BMP6: variants seen among roughly 807,000 people sequenced by gnomAD.
The protein encoded by BMP6 is bone morphogenetic protein 6, also known as VG-1-R.
BMP6 carries 17 observed loss-of-function variants against 54.1 expected under a neutral mutation model. The ratio of observed to expected loss-of-function variants is 0.31; its 90% CI spans 0.22 to 0.47. BMP6 has a LOEUF of 0.47. Among genes scored for constraint, BMP6 ranks in the 20% least tolerant of loss-of-function variants. The pLI, the probability that BMP6 is intolerant of heterozygous loss-of-function variation, is 1.00. For synonymous variants in BMP6, 328 were observed against 291.2 expected, an observed-to-expected ratio of 1.13 and a Z score of -1.28; for missense variants, 720 against 690.4, an observed-to-expected ratio of 1.04 and a Z score of -0.48.
intron 4 of BMP6, among the ~76,000 whole-genome samples, chr6:7,874,318 G>A (rs62387054): frequency 0.11 from 16,164 of 152,232 alleles, 1,123 homozygotes; most frequent in Non-Finnish European, 0.16. Context: ...CATCACAGCC[G>A]CCACATGGTT....
chr6:7,870,945 A>G (rs1759514725), intron 4 of BMP6, among the ~76,000 whole-genome samples: 1 of 152,196 alleles, frequency 6.6e-6, no homozygotes, highest in Admixed American at 6.5e-5. Context: ...GGATCTTTAG[A>G]GTTCATCTCC....
chr6:7,824,066 A>G (rs1301210705), intron 1 of BMP6, among the ~76,000 whole-genome samples: 1 of 152,194 alleles, frequency 6.6e-6, no homozygotes, highest in Non-Finnish European at 1.5e-5. Flanking sequence ...TAGATAACAG[A>G]TGGTGATGGT....
intron 1 of BMP6, among the ~76,000 whole-genome samples, chr6:7,822,311 C>T (rs1250844118): frequency 1.3e-5 from 2 of 152,202 alleles, no homozygotes; most frequent in East Asian, 3.8e-4. Flanking sequence ...TGAGCCACCG[C>T]ACCTGGGAAG....
At chr6:7,861,051 C>G (rs1198080759) in intron 2 of BMP6, among the ~76,000 whole-genome samples, 1 of 150,674 alleles carries the variant, frequency 6.6e-6, no homozygotes, top group Non-Finnish European at 1.5e-5. Flanking sequence ...TGCCACTGCA[C>G]TACAGCCTAG....
chr6:7,845,111 T>C, intron 1 of BMP6, 29 bp from the exon 2 acceptor site: 1 of 1,583,302 alleles, frequency 6.3e-7, no homozygotes. Flanking sequence ...GTAACAATAG[T>C]TGTCACTCTC....
At chr6:7,730,960 T>G (rs377295549) in intron 1 of BMP6, among the ~76,000 whole-genome samples, 8 of 152,346 alleles carry the variant, frequency 5.3e-5, no homozygotes, top group African/African-American at 1.9e-4. Context: ...AATTTACTCA[T>G]GAAATACATT....
At chr6:7,767,521 G>C (rs764660892) in intron 1 of BMP6, among the ~76,000 whole-genome samples, 35 of 152,096 alleles carry the variant, frequency 2.3e-4, no homozygotes, top group African/African-American at 2.9e-4. Context: ...AGGTTATGAG[G>C]GGGGAGCGTC....
intron 1 of BMP6, among the ~76,000 whole-genome samples, chr6:7,781,059 C>G (rs181442965): frequency 1.9e-4 from 29 of 152,314 alleles, no homozygotes; most frequent in African/African-American, 6.0e-4. Context: ...CTAGTCCACA[C>G]AGTACAGTGC....
At chr6:7,876,521 A>G (rs1759617353) in intron 4 of BMP6, among the ~76,000 whole-genome samples, 1 of 152,228 alleles carries the variant, frequency 6.6e-6, no homozygotes, top group South Asian at 2.1e-4. Flanking sequence ...ACAAAGAGAC[A>G]GTCATGTATT....
chr6:7,867,676 G>T (rs1036954498), intron 4 of BMP6, among the ~76,000 whole-genome samples: 1 of 152,228 alleles, frequency 6.6e-6, no homozygotes, highest in Non-Finnish European at 1.5e-5. Flanking sequence ...TTGGCTTGCA[G>T]ATGTCTTAAG....
rs771495326 is a variant in BMP6 at position 7,727,261 on chromosome 6, G to T, written c.306G>T (p.Pro102=). ...GGCCCCTGCACGGCCTCCAACAGCC[G>T]CAGCCCCCGGCGCTCCGGCAGCAGG... is the stretch of plus-strand genomic sequence containing the variant. The part of the protein sequence containing the change: ...RPRPLHGLQQ[P]QPPALRQQEE... Residue 102 remains proline, a synonymous_variant, in exon 1 of 7, where the codon CCG becomes CCT. Coordinates refer to ENST00000283147, the MANE Select transcript of BMP6 (RefSeq NM_001718.6). 1.7e-5 allele frequency: 28 copies of T among 1,604,972 alleles called. No homozygotes were observed. The South Asian group carries it at 2.8e-4, about 16-fold the overall frequency.
At chr6:7,878,978 G>A in intron 4 of BMP6, 96 bp from the exon 5 acceptor site, 1 of 1,259,410 alleles carries the variant, frequency 7.9e-7, no homozygotes, top group Non-Finnish European at 1.2e-6. Flanking sequence ...CCTGAGCCTA[G>A]CACAGAGCCT....
rs539885503 is a variant in BMP6, at chr6:7,869,478, C to T, written c.1204+6980C>T. Among the ~76,000 whole-genome samples, 315 of 152,326 alleles carry T rather than the reference C, an allele frequency of 2.1e-3. 1 individual carries two copies. The highest frequency in any genetic ancestry group is 3.6e-3 in the Non-Finnish European group (243 of 68,014). ...TAGGCAATGTATACAGTGCATGTGC[C>T]GCTGCCTGGGGACATGGCTTCTGTG... On this transcript the variant is annotated intron_variant, in intron 4 of 6. Transcript: ENST00000283147.
At chr6:7,844,550 A>C (rs1759029744) in intron 1 of BMP6, among the ~76,000 whole-genome samples, 3 of 152,170 alleles carry the variant, frequency 2.0e-5, no homozygotes, top group African/African-American at 4.8e-5. Context: ...TCCACTGAAC[A>C]GGCAAAATGT....
chr6:7,786,479 TTTA>T (rs1456336151), intron 1 of BMP6, among the ~76,000 whole-genome samples: 66 of 121,396 alleles, frequency 5.4e-4, no homozygotes, highest in Non-Finnish European at 7.4e-4. Flanking sequence ...TTTTTTTTTT[TTTA>T]AATAAAATCC....
At chr6:7,837,472 A>G (rs1365567633) in intron 1 of BMP6, among the ~76,000 whole-genome samples, 2 of 152,240 alleles carry the variant, frequency 1.3e-5, no homozygotes. Flanking sequence ...TCTATGAAAA[A>G]TGTTATGGTA....
intron 1 of BMP6, among the ~76,000 whole-genome samples, chr6:7,745,258 A>C (rs1757329620): frequency 6.6e-6 from 1 of 152,216 alleles, no homozygotes; most frequent in South Asian, 2.1e-4. Flanking sequence ...TGTCTCTAAA[A>C]AAATGGCATC....
chr6:7,834,864 A>C (rs1049302864), intron 1 of BMP6, among the ~76,000 whole-genome samples: 1 of 152,174 alleles, frequency 6.6e-6, no homozygotes, highest in African/African-American at 2.4e-5. Context: ...ATATATACCT[A>C]ATTGTCATTT....
chr6:7,847,790 G>T (rs1306625774), intron 2 of BMP6, among the ~76,000 whole-genome samples: 3 of 152,100 alleles, frequency 2.0e-5, no homozygotes, highest in African/African-American at 7.2e-5. Context: ...GCACAAACAT[G>T]TTCCTTTGAC....
Sources: gnomAD v4.1 joint callset for allele counts (sites outside exome capture counted in the v4.1 genomes callset) on GRCh38, gnomAD v4.1.1 for gene constraint, MANE v1.5 for transcripts, NCBI Gene and HGNC (gene_info 2026-07-23, HGNC 2026-07-21) for gene names.